Variants in ATXN7L1 observed in about 807,000 individuals in gnomAD.
ATXN7L1 encodes the protein ataxin 7 like 1, also known as ataxin-7-like protein 1.
In ATXN7L1, 15 loss-of-function variants were observed where a neutral mutation model predicts 70.8. The ratio of observed to expected loss-of-function variants is 0.21; its 90% CI spans 0.14 to 0.33. The LOEUF (loss-of-function observed/expected upper bound fraction) is 0.33, where lower values mean the gene tolerates loss of function less well. Among genes scored for constraint, ATXN7L1 ranks in the 10% least tolerant of loss-of-function variants. ATXN7L1 has a pLI of 1.00. For synonymous variants in ATXN7L1, 440 were observed against 445.1 expected (o/e 0.99, Z 0.14); for missense variants, 975 against 1,097.1 (o/e 0.89, Z 1.57).
chr7:105,771,371 T>C (rs1398194276), intron 3 of ATXN7L1, among the ~76,000 whole-genome samples: 1 of 152,084 alleles, frequency 6.6e-6, no homozygotes, highest in Non-Finnish European at 1.5e-5. Context: ...CCCCCTGATG[T>C]TCTCACTGAA....
intron 3 of ATXN7L1, among the ~76,000 whole-genome samples, chr7:105,733,504 TTCCATCCATCCACCCATCCATCCA>T (rs1796819739): frequency 2.2e-5 from 1 of 45,500 alleles, no homozygotes; most frequent in African/African-American, 8.3e-5. Flanking sequence ...CCATCCATCC[TTCCATCCATCCACCCATCCATCCA>T]TCCATCCATC....
chr7:105,628,076 C>A (rs1267154600), intron 7 of ATXN7L1, among the ~76,000 whole-genome samples: 1 of 151,922 alleles, frequency 6.6e-6, no homozygotes, highest in Non-Finnish European at 1.5e-5. Flanking sequence ...AACTCTTGAC[C>A]TCGTGATCCA....
At chr7:105,761,401 C>A in intron 3 of ATXN7L1, 3 of 1,614,176 alleles carry the variant, frequency 1.9e-6, no homozygotes, top group Non-Finnish European at 2.5e-6. Flanking sequence ...TTCTCTATGG[C>A]TTGGCTGCTC....
intron 2 of ATXN7L1, among the ~76,000 whole-genome samples, chr7:105,843,868 G>A (rs1292481176): frequency 2.0e-5 from 3 of 152,300 alleles, no homozygotes; most frequent in Middle Eastern, 6.8e-3. Context: ...CCAAAACTCT[G>A]GTTTAAAACC....
At position 105,607,762 on chromosome 7, in the gene ATXN7L1, C is replaced by A. The variant is rs920850100; in HGVS notation, c.*90G>T. On this transcript the variant is annotated 3_prime_UTR_variant, in exon 12 of 12. Coordinates refer to ENST00000419735, the MANE Select transcript of ATXN7L1 (RefSeq NM_020725.2). ...GTGCACAGAAAACAGACTCTCCCCC[C>A]AGCCCACTCCCCTCCCTCCTCCTCC... is the stretch of plus-strand genomic sequence containing the variant. 2.2e-4 allele frequency: 265 copies of A among 1,223,718 alleles called. No individual in the cohort carries two copies. Among genetic ancestry groups the A allele is most frequent in the Middle Eastern group, 1.1e-3 (5 of 4,684 alleles). 75.8% of individuals were successfully genotyped at this position (1,223,718 alleles called of 1,614,324 possible).
chr7:105,793,184 T>C (rs1805504864), intron 2 of ATXN7L1, among the ~76,000 whole-genome samples: 1 of 152,224 alleles, frequency 6.6e-6, no homozygotes, highest in Non-Finnish European at 1.5e-5. Flanking sequence ...TAACAGGCTG[T>C]CCTGAGGCTC....
intron 3 of ATXN7L1, among the ~76,000 whole-genome samples, chr7:105,765,506 G>A (rs574620617): frequency 6.6e-6 from 1 of 152,164 alleles, no homozygotes; most frequent in Non-Finnish European, 1.5e-5. Flanking sequence ...GCAGAAACAG[G>A]AACCCAGACT....
chr7:105,661,574 A>T (rs1207247798), intron 4 of ATXN7L1, among the ~76,000 whole-genome samples: 1 of 152,212 alleles, frequency 6.6e-6, no homozygotes, highest in African/African-American at 2.4e-5. Context: ...GGCAGGGCCC[A>T]GACTTGAATT....
rs1236818560 is a variant in ATXN7L1, at chr7:105,876,548, T to A, written c.11A>T (p.Glu4Val). 1 of 1,377,162 alleles carries A rather than the reference T, an allele frequency of 7.3e-7. No homozygotes were observed. Among genetic ancestry groups the A allele is most frequent in the Non-Finnish European group, 9.7e-7 (1 of 1,032,038 alleles). The allele number at this position is 1,377,162 out of a possible 1,614,324, so 85.3% of individuals were successfully genotyped here. ...CGAGAGACACGGGATTCGAGAACGC[T>A]CCGACGTCATCTTCGGAACGTTCCG... MTS[E>V]RSRIPCLSAA... Residue 4 changes from glutamate to valine, a missense_variant, in exon 1 of 12, where the codon GAG (glutamate) becomes GTG (valine). Around this residue, in one of 5 missense-constraint regions of ATXN7L1, gnomAD observed 135 missense variants for 132.6 expected, o/e 1.02. Transcript: ENST00000419735.
intron 3 of ATXN7L1, among the ~76,000 whole-genome samples, chr7:105,704,676 C>T: frequency 6.8e-6 from 1 of 146,884 alleles, no homozygotes. Flanking sequence ...TTGTTGCAAC[C>T]TCTACTCACT....
intron 3 of ATXN7L1, among the ~76,000 whole-genome samples, chr7:105,689,418 T>C (rs745859727): frequency 2.0e-5 from 3 of 152,158 alleles, no homozygotes; most frequent in Non-Finnish European, 2.9e-5. Context: ...GTTTAGCTCA[T>C]TCAAATGCAA....
chr7:105,700,012 G>A (rs377453292), intron 3 of ATXN7L1, among the ~76,000 whole-genome samples: 2 of 152,116 alleles, frequency 1.3e-5, no homozygotes, highest in South Asian at 2.1e-4. Flanking sequence ...GGACCATGGC[G>A]TGGAGCTGAG....
At chr7:105,786,077 T>C (rs1283964194) in intron 3 of ATXN7L1, among the ~76,000 whole-genome samples, 1 of 152,220 alleles carries the variant, frequency 6.6e-6, no homozygotes, top group Admixed American at 6.5e-5. Flanking sequence ...TTGATAAATG[T>C]AAGTTTGTAT....
intron 3 of ATXN7L1, among the ~76,000 whole-genome samples, chr7:105,736,793 G>T (rs35833104): frequency 0.058 from 8,855 of 152,294 alleles, 307 homozygotes; most frequent in Admixed American, 0.068. Flanking sequence ...TGCCCAGGTG[G>T]AGACCCACTG....
At chr7:105,798,372 G>C (rs975676025) in intron 2 of ATXN7L1, among the ~76,000 whole-genome samples, 1 of 152,196 alleles carries the variant, frequency 6.6e-6, no homozygotes, top group Non-Finnish European at 1.5e-5. Flanking sequence ...TTGACATCCA[G>C]ACTGTGTGTG....
intron 2 of ATXN7L1, among the ~76,000 whole-genome samples, chr7:105,869,938 C>T (rs143329648): frequency 9.1e-4 from 139 of 152,266 alleles, no homozygotes; most frequent in African/African-American, 3.2e-3. Context: ...TATTATTCGA[C>T]AGCTATTGAT....
At chr7:105,784,368 A>C (rs1306232378) in intron 3 of ATXN7L1, among the ~76,000 whole-genome samples, 2 of 152,222 alleles carry the variant, frequency 1.3e-5, no homozygotes, top group Non-Finnish European at 2.9e-5. Context: ...TTGGTATCAG[A>C]AATGTTGAGT....
At chr7:105,840,762 T>C (rs1452164710) in intron 2 of ATXN7L1, among the ~76,000 whole-genome samples, 1 of 152,136 alleles carries the variant, frequency 6.6e-6, no homozygotes, top group East Asian at 1.9e-4. Context: ...GCCTTCTAAA[T>C]ACAAAAAAGA....
intron 2 of ATXN7L1, among the ~76,000 whole-genome samples, chr7:105,810,955 G>A (rs901808225): frequency 6.6e-6 from 1 of 152,172 alleles, no homozygotes; most frequent in Non-Finnish European, 1.5e-5. Flanking sequence ...AAAGATGGGA[G>A]TCAAGGATGA....
Sources: allele counts gnomAD v4.1 joint callset (sites outside exome capture counted in the v4.1 genomes callset), GRCh38; gene constraint gnomAD v4.1.1; regional missense constraint gnomAD v4.1.1; transcripts MANE v1.5; gene names NCBI Gene and HGNC (gene_info 2026-07-23, HGNC 2026-07-21).